EPAS1: variants seen among roughly 807,000 people sequenced by gnomAD.
The protein encoded by EPAS1 is endothelial PAS domain protein 1, also known as endothelial PAS domain-containing protein 1.
In EPAS1, 23 loss-of-function variants were observed where a neutral mutation model predicts 87.9. That is an observed-to-expected ratio of 0.26 (90% CI 0.19 to 0.37). The LOEUF is 0.37. Ranked by LOEUF, EPAS1 falls within the 10% of genes least tolerant of loss-of-function variation. The probability of loss-of-function intolerance (pLI) is 1.00; values close to 1 mark genes in which losing one functional copy is unlikely to be tolerated. For synonymous variants in EPAS1, 508 were observed against 444.3 expected (o/e 1.14, Z -1.80); for missense variants, 1,138 against 1,120.7 (o/e 1.02, Z -0.22).
At chr2:46,357,629 G>A (rs900108593) in intron 4 of EPAS1, among the ~76,000 whole-genome samples, 7 of 152,178 alleles carry the variant, frequency 4.6e-5, no homozygotes, top group South Asian at 2.1e-4. Flanking sequence ...GAAACTACAC[G>A]AAGCCATGAG....
intron 15 of EPAS1, among the ~76,000 whole-genome samples, chr2:46,382,840 C>T (rs1238967783): frequency 6.6e-6 from 1 of 152,182 alleles, no homozygotes; most frequent in Non-Finnish European, 1.5e-5. Context: ...CAAACTCAGG[C>T]TAGAATACTG....
At chr2:46,310,375 C>G (rs981908491) in intron 1 of EPAS1, among the ~76,000 whole-genome samples, 1 of 152,198 alleles carries the variant, frequency 6.6e-6, no homozygotes, top group African/African-American at 2.4e-5. Flanking sequence ...CAATATCCCA[C>G]TATCTGTAGG....
intron 1 of EPAS1, among the ~76,000 whole-genome samples, chr2:46,323,144 AG>A (rs1456508104): frequency 2.0e-5 from 3 of 152,244 alleles, no homozygotes; most frequent in Non-Finnish European, 4.4e-5. Flanking sequence ...CTCAGCACAC[AG>A]GCAACACAGG....
intron 1 of EPAS1, among the ~76,000 whole-genome samples, chr2:46,327,488 C>G (rs1300861532): frequency 6.6e-6 from 1 of 152,122 alleles, no homozygotes; most frequent in Non-Finnish European, 1.5e-5. Flanking sequence ...TAGACAGGAG[C>G]TCAGACTTGT....
chr2:46,378,200 G>T, intron 10 of EPAS1, 113 bp downstream of exon 10: 1 of 1,481,258 alleles, frequency 6.8e-7, no homozygotes, highest in Non-Finnish European at 8.9e-7. Flanking sequence ...TTATCACAGA[G>T]CCCCCTAGAG....
chr2:46,315,060 ATG>A (rs1683284640), intron 1 of EPAS1, among the ~76,000 whole-genome samples: 2 of 152,202 alleles, frequency 1.3e-5, no homozygotes, highest in South Asian at 4.1e-4. Context: ...CTTCTGTTAG[ATG>A]GCTGATATGA....
rs1238513457 is a variant in EPAS1, at chr2:46,355,484, C to A, written c.218-667C>A. The stretch of plus-strand genomic sequence containing the variant: ...TTGGACAAATGGCTTAACCTCTCTA[C>A]ACTTCATCTGTAAAATGAGATTAAG... On this transcript the variant is annotated intron_variant, in intron 2 of 15. Coordinates refer to ENST00000263734, the MANE Select transcript of EPAS1 (RefSeq NM_001430.5). 5.9e-5 allele frequency among the ~76,000 whole-genome samples: 9 copies of A among 152,210 alleles called. No homozygotes were observed. In the East Asian group the frequency reaches 1.7e-3, roughly 29 times the overall value.
intron 2 of EPAS1, among the ~76,000 whole-genome samples, chr2:46,351,370 C>G (rs1248717531): frequency 6.6e-6 from 1 of 152,276 alleles, no homozygotes; most frequent in East Asian, 1.9e-4. Flanking sequence ...ATGAATCTCT[C>G]CTAGTGGACT....
At position 46,376,526 on chromosome 2, in the gene EPAS1, T is replaced by TC. The variant is rs757409274; in HGVS notation, c.1035-6dup. 1.3e-5 allele frequency: 21 copies of TC among 1,612,884 alleles called. No homozygotes were observed. Among genetic ancestry groups the TC allele is most frequent in the East Asian group, 2.2e-5 (1 of 44,888 alleles). ...AATGTGGAAAGTCTGAATGGCTCTT[T>TC]CCCCCCCATTAGTGAGATTGAGAAG... is the stretch of plus-strand genomic sequence containing the variant. On this transcript the variant is annotated splice_polypyrimidine_tract_variant and intron_variant, in intron 8 of 15. Coordinates refer to ENST00000263734, the MANE Select transcript of EPAS1 (RefSeq NM_001430.5).
chr2:46,342,457 T>C (rs1683931657), intron 1 of EPAS1, among the ~76,000 whole-genome samples: 1 of 152,232 alleles, frequency 6.6e-6, no homozygotes, highest in South Asian at 2.1e-4. Flanking sequence ...CTCAGTCATC[T>C]CTTTACCTGC....
In EPAS1 at chr2:46,386,323, C is replaced by CA. The variant is rs1685024122; in HGVS notation, c.*1669dup. 3 of 152,604 alleles carry CA rather than the reference C, an allele frequency of 2.0e-5. 1 individual carries two copies. Among genetic ancestry groups the CA allele is most frequent in the Admixed American group, 6.5e-5 (1 of 15,304 alleles). 9.5% of individuals were successfully genotyped at this position (152,604 alleles called of 1,614,324 possible). On this transcript the variant is annotated 3_prime_UTR_variant, in exon 16 of 16. Transcript: ENST00000263734. ...GCCCGGATAGACTTATTGCCAAAAA[C>CA]AAAAAATAGCTTTCAAAAGAAATTT...
At chr2:46,326,659 C>T (rs1683571236) in intron 1 of EPAS1, among the ~76,000 whole-genome samples, 1 of 152,150 alleles carries the variant, frequency 6.6e-6, no homozygotes, top group Non-Finnish European at 1.5e-5. Context: ...CACTAAGCAC[C>T]CACTGTAGGA....
Position 46,365,532 on chromosome 2 carries a change from G to A in EPAS1, c.780-4295G>A, listed in dbSNP as rs1353017831. Among the ~76,000 whole-genome samples, 3 of 152,160 alleles carry A rather than the reference G, an allele frequency of 2.0e-5. No homozygotes were observed. The East Asian group carries it at 5.8e-4, about 29-fold the overall frequency. On this transcript the variant is annotated intron_variant, in intron 6 of 15. Transcript: ENST00000263734. ...ATGTCAGTAAGGAGAACTATAAAGAGCCATAAGTGGTAAAACACACACACA... is the reference window on the plus strand; with the variant it reads ...ATGTCAGTAAGGAGAACTATAAAGAACCATAAGTGGTAAAACACACACACA...
intron 1 of EPAS1, among the ~76,000 whole-genome samples, chr2:46,334,014 C>T (rs575538826): frequency 2.6e-5 from 4 of 152,262 alleles, no homozygotes; most frequent in Non-Finnish European, 4.4e-5. Context: ...GAATGCCTTG[C>T]GGAGGTCTCT....
intron 1 of EPAS1, among the ~76,000 whole-genome samples, chr2:46,314,819 T>A (rs563918211): frequency 2.6e-4 from 40 of 152,354 alleles, no homozygotes; most frequent in African/African-American, 9.6e-4. Flanking sequence ...CTGTTGGGCA[T>A]GGCCCAACCC....
At chr2:46,323,215 A>C (rs76611801) in intron 1 of EPAS1, among the ~76,000 whole-genome samples, 7,550 of 152,166 alleles carry the variant, frequency 0.05, 612 homozygotes, top group African/African-American at 0.17. Flanking sequence ...CTTTTTTTTT[A>C]AGCTGCTATA....
At chr2:46,356,373 C>A (rs1310156177) in intron 3 of EPAS1, 71 bp downstream of exon 3, 1 of 1,586,584 alleles carries the variant, frequency 6.3e-7, no homozygotes, top group African/African-American at 1.3e-5. Flanking sequence ...GTGGAAGGTG[C>A]TAGCCACAAT....
rs774360177 is a variant in EPAS1, at chr2:46,370,006, G to A, written c.886+73G>A. 4.5e-6 allele frequency: 5 copies of A among 1,106,692 alleles called. No homozygotes were observed. The Admixed American group carries it at 9.7e-5, about 21-fold the overall frequency. The allele number at this position is 1,106,692 out of a possible 1,614,324, so 68.6% of individuals were successfully genotyped here. A position where few individuals can be genotyped will look rare whatever the true frequency, so the allele number is the denominator to read the frequency against. ...TGGCCTTGAGTGGGGTGTGACTGGT[G>A]AGACAGAAGACCAGGTCACTTCCTC... is the stretch of plus-strand genomic sequence containing the variant. On this transcript the variant is annotated intron_variant, in intron 7 of 15. Coordinates refer to ENST00000263734, the MANE Select transcript of EPAS1 (RefSeq NM_001430.5).
chr2:46,301,082 A>C (rs1197125627), intron 1 of EPAS1, among the ~76,000 whole-genome samples: 1 of 152,232 alleles, frequency 6.6e-6, no homozygotes, highest in Non-Finnish European at 1.5e-5. Context: ...TGAGTATTTA[A>C]GTTTTAATTC....
Sources: allele counts gnomAD v4.1 joint callset (sites outside exome capture counted in the v4.1 genomes callset), GRCh38; gene constraint gnomAD v4.1.1; transcripts MANE v1.5; gene names NCBI Gene and HGNC (gene_info 2026-07-23, HGNC 2026-07-21).